SCHIP1: variants seen among roughly 807,000 people sequenced by gnomAD.
The protein encoded by SCHIP1 is schwannomin interacting protein 1.
Under a neutral mutation model 29.7 loss-of-function variants are expected in SCHIP1, and 8 were observed. The observed-to-expected ratio is 0.27, with a 90% CI of 0.16 to 0.49. SCHIP1 has a LOEUF of 0.49. Ranked by LOEUF, SCHIP1 falls within the 20% of genes least tolerant of loss-of-function variation. The probability of loss-of-function intolerance (pLI) is 0.99; values close to 1 mark genes in which losing one functional copy is unlikely to be tolerated. For synonymous variants in SCHIP1, 76 were observed against 94.9 expected, an observed-to-expected ratio of 0.80 and a Z score of 1.16; for missense variants, 193 against 294.6, an observed-to-expected ratio of 0.66 and a Z score of 2.52.
the SCHIP1 span, among the ~76,000 whole-genome samples, chr3:159,815,809 C>T: frequency 2.0e-5 from 3 of 152,088 alleles, no homozygotes; most frequent in African/African-American, 4.8e-5. Flanking sequence ...CATCAGTCAC[C>T]AAGTCTTGCC....
the SCHIP1 span, among the ~76,000 whole-genome samples, chr3:159,833,688 A>G: frequency 6.6e-6 from 1 of 152,096 alleles, no homozygotes; most frequent in Admixed American, 6.6e-5. Context: ...TGTGCAAAAG[A>G]CCCCTAAATT....
chr3:159,288,914 T>G, the SCHIP1 span, among the ~76,000 whole-genome samples: 1 of 152,148 alleles, frequency 6.6e-6, no homozygotes, highest in Non-Finnish European at 1.5e-5. Context: ...TTAGTCACAT[T>G]AATAACTTTC....
the SCHIP1 span, among the ~76,000 whole-genome samples, chr3:159,434,510 C>A: frequency 6.6e-6 from 1 of 152,086 alleles, no homozygotes; most frequent in South Asian, 2.1e-4. Context: ...AGTGTATCAG[C>A]AATTCCACTG....
chr3:159,828,993 G>A, the SCHIP1 span, among the ~76,000 whole-genome samples: 1 of 152,170 alleles, frequency 6.6e-6, no homozygotes, highest in Non-Finnish European at 1.5e-5. Flanking sequence ...TTCTGCCACT[G>A]CGTTCTCTGA....
the SCHIP1 span, among the ~76,000 whole-genome samples, chr3:159,476,522 A>G: frequency 6.6e-6 from 1 of 152,334 alleles, no homozygotes; most frequent in African/African-American, 2.4e-5. Flanking sequence ...GAGTAGACTC[A>G]GTAGTTTTAA....
chr3:159,667,997 A>G, the SCHIP1 span, among the ~76,000 whole-genome samples: 1 of 152,242 alleles, frequency 6.6e-6, no homozygotes, highest in Non-Finnish European at 1.5e-5. Context: ...CCTAGGTCCA[A>G]GCCAGTGAAA....
At chr3:159,746,539 G>C in the SCHIP1 span, among the ~76,000 whole-genome samples, 6 of 136,198 alleles carry the variant, frequency 4.4e-5, no homozygotes, top group Non-Finnish European at 6.7e-5. Context: ...GTTATGTTTT[G>C]ATATAAAATT....
chr3:159,710,637 C>A, the SCHIP1 span, among the ~76,000 whole-genome samples: 3 of 152,038 alleles, frequency 2.0e-5, no homozygotes, highest in Non-Finnish European at 4.4e-5. Context: ...ACTAAGACAT[C>A]ATATTTTGCC....
the SCHIP1 span, among the ~76,000 whole-genome samples, chr3:159,781,022 A>G: frequency 6.6e-6 from 1 of 152,216 alleles, no homozygotes; most frequent in Admixed American, 6.5e-5. Flanking sequence ...AAAAACAACT[A>G]GTTTTACAGC....
At chr3:159,728,521 A>C in the SCHIP1 span, among the ~76,000 whole-genome samples, 2 of 152,204 alleles carry the variant, frequency 1.3e-5, no homozygotes, top group Non-Finnish European at 2.9e-5. Context: ...GGTTCCTGGC[A>C]TCAGCTGTCT....
At chr3:159,333,026 C>T in the SCHIP1 span, among the ~76,000 whole-genome samples, 6 of 151,432 alleles carry the variant, frequency 4.0e-5, no homozygotes, top group Non-Finnish European at 8.8e-5. Flanking sequence ...AAATAAAAGG[C>T]AAAAAAGAAG....
the SCHIP1 span, among the ~76,000 whole-genome samples, chr3:159,650,217 G>A: frequency 6.6e-6 from 1 of 152,100 alleles, no homozygotes. Context: ...AATAAGAAAT[G>A]AACACTGTTG....
chr3:159,706,511 T>G, the SCHIP1 span, among the ~76,000 whole-genome samples: 1 of 152,210 alleles, frequency 6.6e-6, no homozygotes, highest in Admixed American at 6.5e-5. Flanking sequence ...CACTTCAGAA[T>G]CTAATAAATC....
chr3:159,530,173 T>C, the SCHIP1 span, among the ~76,000 whole-genome samples: 2 of 152,178 alleles, frequency 1.3e-5, no homozygotes, highest in African/African-American at 4.8e-5. Context: ...GGAACCTCCA[T>C]ACTGTTTTCC....
the SCHIP1 span, among the ~76,000 whole-genome samples, chr3:159,499,210 T>C: frequency 2.6e-5 from 4 of 152,220 alleles, no homozygotes; most frequent in Non-Finnish European, 4.4e-5. Context: ...TTAAATAGTT[T>C]CTCTTCAAAG....
At chr3:159,341,636 G>T in the SCHIP1 span, among the ~76,000 whole-genome samples, 1 of 152,070 alleles carries the variant, frequency 6.6e-6, no homozygotes, top group Admixed American at 6.6e-5. Flanking sequence ...TTCCCTGAAG[G>T]GTTTGCCACT....
upstream of SCHIP1, among the ~76,000 whole-genome samples, chr3:159,837,715 C>G (rs1473867064): frequency 6.6e-6 from 1 of 151,580 alleles, no homozygotes; most frequent in South Asian, 2.1e-4. Flanking sequence ...GACTCCATCC[C>G]CCGCCCGAAA....
the SCHIP1 span, among the ~76,000 whole-genome samples, chr3:159,555,959 C>T: frequency 6.6e-6 from 1 of 151,992 alleles, no homozygotes; most frequent in East Asian, 1.9e-4. Context: ...GGAGAAATAC[C>T]TAATGTAGAT....
chr3:159,893,984 TGGGGACTGCTG>T (rs996314320), intron 6 of SCHIP1: 1 of 152,264 alleles, frequency 6.6e-6, no homozygotes, highest in African/African-American at 2.4e-5. Context: ...GGGGTGGCTG[TGGGGACTGCTG>T]GGACATGTGG....
Sources: gnomAD v4.1 joint callset for allele counts (sites outside exome capture counted in the v4.1 genomes callset) on GRCh38, gnomAD v4.1.1 for gene constraint, MANE v1.5 for transcripts, NCBI Gene and HGNC (gene_info 2026-07-23, HGNC 2026-07-21) for gene names.